The following PIP4K2A variants were observed in gnomAD, a reference collection of about 807,000 sequenced individuals.
PIP4K2A encodes phosphatidylinositol-5-phosphate 4-kinase type 2 alpha.
PIP4K2A carries 14 observed loss-of-function variants against 42.9 expected under a neutral mutation model. The ratio of observed to expected loss-of-function variants is 0.33; its 90% CI spans 0.22 to 0.51. PIP4K2A has a LOEUF of 0.51. PIP4K2A is among the 20% of genes least tolerant of loss of function. The pLI is 0.97. For missense variants in PIP4K2A, 434 were observed against 519.8 expected (o/e 0.83, Z 1.61); for synonymous variants, 192 against 192.2 (o/e 1.00, Z 0.01).
At chr10:22,695,753 A>G (rs998078830) in intron 1 of PIP4K2A, among the ~76,000 whole-genome samples, 1 of 152,144 alleles carries the variant, frequency 6.6e-6, no homozygotes, top group Admixed American at 6.6e-5. Flanking sequence ...ACTCTATATC[A>G]TCTCTAGTCC....
chr10:22,661,115 GAAC>G (rs2130832829), intron 1 of PIP4K2A, among the ~76,000 whole-genome samples: 1 of 152,230 alleles, frequency 6.6e-6, no homozygotes, highest in Non-Finnish European at 1.5e-5. Context: ...TTTAAAAAGT[GAAC>G]ACCACTTCAG....
At chr10:22,686,399 T>C (rs2130890726) in intron 1 of PIP4K2A, among the ~76,000 whole-genome samples, 1 of 152,338 alleles carries the variant, frequency 6.6e-6, no homozygotes, top group Admixed American at 6.5e-5. Context: ...CAAAAAGACT[T>C]TTCTTCCTGT....
rs1384082287 is a variant in PIP4K2A, at chr10:22,664,032, CAT to C, written c.144+50149_144+50150del. On this transcript the variant is annotated intron_variant, in intron 1 of 9. Coordinates refer to ENST00000376573, the MANE Select transcript of PIP4K2A (RefSeq NM_005028.5). The stretch of plus-strand genomic sequence containing the variant: ...CTCTCTCTCTCTCTCCATATATATA[CAT>C]ATATATATATATACATATGTATATA... Among the ~76,000 whole-genome samples the C allele has an allele frequency of 1.6e-3, 164 of 105,210 alleles. 10 individuals are homozygous for C. Among genetic ancestry groups the C allele is most frequent in the African/African-American group, 6.2e-3 (137 of 22,052 alleles). 69.0% of individuals were successfully genotyped at this position (105,210 alleles called of 152,430 possible).
chr10:22,683,546 G>A (rs1588705310), intron 1 of PIP4K2A, among the ~76,000 whole-genome samples: 1 of 152,120 alleles, frequency 6.6e-6, no homozygotes, highest in South Asian at 2.1e-4. Context: ...GTACAGGTCA[G>A]GTGAGATGAC....
intron 1 of PIP4K2A, among the ~76,000 whole-genome samples, chr10:22,671,947 T>C (rs1274025404): frequency 2.0e-5 from 3 of 152,122 alleles, no homozygotes; most frequent in African/African-American, 4.8e-5. Flanking sequence ...TATTTGTTAA[T>C]GTGAAATAAT....
chr10:22,664,205 A>ATATATATATACG, intron 1 of PIP4K2A, among the ~76,000 whole-genome samples: 1 of 40,780 alleles, frequency 2.5e-5, no homozygotes, highest in East Asian at 4.9e-4. Context: ...ATATATATAC[A>ATATATATATACG]TATATATATA....
chr10:22,548,423 A>C (rs1836308146), intron 7 of PIP4K2A, among the ~76,000 whole-genome samples: 2 of 152,254 alleles, frequency 1.3e-5, no homozygotes, highest in Admixed American at 1.3e-4. Flanking sequence ...TGGAGTCTAA[A>C]TATCATAGTG....
chr10:22,589,572 C>T (rs372599953), intron 4 of PIP4K2A, among the ~76,000 whole-genome samples: 6 of 152,340 alleles, frequency 3.9e-5, no homozygotes, highest in African/African-American at 1.4e-4. Context: ...TTTTTATAGA[C>T]TTCACTGCAA....
At chr10:22,547,243 T>TA (rs1836279203) in intron 7 of PIP4K2A, among the ~76,000 whole-genome samples, 1 of 152,252 alleles carries the variant, frequency 6.6e-6, no homozygotes, top group Non-Finnish European at 1.5e-5. Flanking sequence ...GGTTATATCT[T>TA]ACCACTTGTT....
chr10:22,676,601 G>A (rs561068999), intron 1 of PIP4K2A, among the ~76,000 whole-genome samples: 3 of 152,264 alleles, frequency 2.0e-5, no homozygotes, highest in African/African-American at 7.2e-5. Context: ...ACTAACCAGA[G>A]GGAATATCTG....
At chr10:22,538,527 CAA>C (rs1835998963) in intron 9 of PIP4K2A, among the ~76,000 whole-genome samples, 1 of 152,190 alleles carries the variant, frequency 6.6e-6, no homozygotes, top group African/African-American at 2.4e-5. Context: ...ACAGGAGCTC[CAA>C]AAGTGTCCCC....
intron 4 of PIP4K2A, among the ~76,000 whole-genome samples, chr10:22,576,335 C>T (rs1837120813): frequency 6.6e-6 from 1 of 152,164 alleles, no homozygotes. Flanking sequence ...CAGATGTTGA[C>T]ACAAAGAGAC....
intron 1 of PIP4K2A, among the ~76,000 whole-genome samples, chr10:22,627,591 T>TTAAAAAAAAAAAAA (rs1838469308): frequency 1.8e-5 from 1 of 56,994 alleles, no homozygotes; most frequent in Non-Finnish European, 3.1e-5. Context: ...TAATATGTAA[T>TTAAAAAAAAAAAAA]AAAAAAAAAA....
chr10:22,586,408 C>T (rs1837395544), intron 4 of PIP4K2A, among the ~76,000 whole-genome samples: 1 of 152,108 alleles, frequency 6.6e-6, no homozygotes, highest in African/African-American at 2.4e-5. Context: ...AACCAGGCCC[C>T]CTAGTGGATT....
intron 1 of PIP4K2A, among the ~76,000 whole-genome samples, chr10:22,625,621 C>A (rs1368654913): frequency 2.0e-5 from 3 of 152,012 alleles, no homozygotes; most frequent in African/African-American, 7.3e-5. Flanking sequence ...GTTAAAAAAA[C>A]AAAACAGTCC....
In PIP4K2A at chr10:22,663,604, G is replaced by C. The variant is rs926305735; in HGVS notation, c.144+50579C>G. On this transcript the variant is annotated intron_variant, in intron 1 of 9. Transcript: ENST00000376573. Reference sequence around the variant, plus strand: ...TCAGAAAGCTAAAAGAATACGAAGAGAAAAAATAAAAATCACTGACTATCA... The same window carrying C: ...TCAGAAAGCTAAAAGAATACGAAGACAAAAAATAAAAATCACTGACTATCA... Among the ~76,000 whole-genome samples the C allele has an allele frequency of 2.6e-5, 4 of 151,946 alleles. No homozygotes were observed. The East Asian group carries it at 5.8e-4, about 22-fold the overall frequency.
At chr10:22,575,786 C>G (rs886265412) in intron 4 of PIP4K2A, among the ~76,000 whole-genome samples, 3 of 151,740 alleles carry the variant, frequency 2.0e-5, no homozygotes, top group African/African-American at 7.3e-5. Context: ...AAAAATACAA[C>G]AATTAGCTGG....
At chr10:22,572,452 CCAAAAAATA>C (rs1431765885) in intron 5 of PIP4K2A, among the ~76,000 whole-genome samples, 1 of 152,030 alleles carries the variant, frequency 6.6e-6, no homozygotes, top group Non-Finnish European at 1.5e-5. Context: ...CCTGTCTCCA[CCAAAAAATA>C]CAAAAAATTA....
intron 1 of PIP4K2A, among the ~76,000 whole-genome samples, chr10:22,641,003 T>TGCCTC (rs1838773567): frequency 6.6e-6 from 1 of 152,248 alleles, no homozygotes. Flanking sequence ...AAAAATTTAA[T>TGCCTC]GCCTCCAATT....
Sources: gnomAD v4.1 joint callset for allele counts (sites outside exome capture counted in the v4.1 genomes callset) on GRCh38, gnomAD v4.1.1 for gene constraint, MANE v1.5 for transcripts, NCBI Gene and HGNC (gene_info 2026-07-23, HGNC 2026-07-21) for gene names.